Variants in PRLR observed in about 807,000 individuals in gnomAD.
PRLR encodes the protein prolactin receptor.
PRLR carries 13 observed loss-of-function variants against 40.2 expected under a neutral mutation model. That is an observed-to-expected ratio of 0.32 (90% CI 0.21 to 0.51). The LOEUF (loss-of-function observed/expected upper bound fraction) is 0.51, where lower values mean the gene tolerates loss of function less well. PRLR is among the 20% of genes least tolerant of loss of function. The pLI is 0.97. For synonymous variants in PRLR, 269 were observed against 278.7 expected, an observed-to-expected ratio of 0.97 and a Z score of 0.35; for missense variants, 656 against 747.3, an observed-to-expected ratio of 0.88 and a Z score of 1.42.
intron 1 of PRLR, among the ~76,000 whole-genome samples, chr5:35,161,650 T>C (rs776876216): frequency 2.6e-5 from 4 of 152,230 alleles, no homozygotes; most frequent in Non-Finnish European, 4.4e-5. Context: ...TAAAAGGAGA[T>C]GCATTAATCT....
chr5:35,194,310 G>A (rs1006690252), intron 1 of PRLR, among the ~76,000 whole-genome samples: 1 of 152,166 alleles, frequency 6.6e-6, no homozygotes, highest in Non-Finnish European at 1.5e-5. Context: ...ATAAAATCAG[G>A]AAAGGCCTGG....
In PRLR at chr5:35,118,120, T is replaced by C. The variant is rs747992208; in HGVS notation, c.-103A>G. On this transcript the variant is annotated splice_region_variant and 5_prime_UTR_variant, in exon 2 of 10. The change abolishes the stop of an existing upstream ORF in the 5' untranslated region. Coordinates refer to ENST00000618457, the MANE Select transcript of PRLR (RefSeq NM_000949.7). ...CGCCTCCATGAATAGGAGAGTTCTT[T>C]AGCTGAAAGAGGAAATGATTCATTT... 26 of 985,234 alleles carry C rather than the reference T, an allele frequency of 2.6e-5. No individual in the cohort carries two copies. The highest frequency in any genetic ancestry group is 3.1e-5 in the Non-Finnish European group (26 of 829,420). 61.0% of individuals were successfully genotyped at this position (985,234 alleles called of 1,614,324 possible).
At chr5:35,226,647 A>C (rs1776560766) in intron 1 of PRLR, among the ~76,000 whole-genome samples, 1 of 152,158 alleles carries the variant, frequency 6.6e-6, no homozygotes, top group Non-Finnish European at 1.5e-5. Context: ...TCCCTTTTTG[A>C]AAATGCGGGT....
chr5:35,123,179 A>G (rs980280283), intron 1 of PRLR, among the ~76,000 whole-genome samples: 1 of 152,196 alleles, frequency 6.6e-6, no homozygotes. Flanking sequence ...TCCTTTCGTT[A>G]GTGGATTGTA....
At chr5:35,155,228 C>T (rs532187538) in intron 1 of PRLR, among the ~76,000 whole-genome samples, 4 of 152,054 alleles carry the variant, frequency 2.6e-5, no homozygotes, top group African/African-American at 7.2e-5. Context: ...TACTAACATG[C>T]GGGAATGCTT....
At chr5:35,226,449 A>T (rs564084101) in intron 1 of PRLR, among the ~76,000 whole-genome samples, 2 of 152,386 alleles carry the variant, frequency 1.3e-5, no homozygotes, top group East Asian at 3.9e-4. Context: ...GAAGATAAAC[A>T]GAGTATACAG....
intron 1 of PRLR, among the ~76,000 whole-genome samples, chr5:35,196,279 G>A (rs1161619590): frequency 6.6e-6 from 1 of 152,172 alleles, no homozygotes; most frequent in African/African-American, 2.4e-5. Flanking sequence ...TCCAGGCAAG[G>A]AGGTGACAAA....
intron 2 of PRLR, among the ~76,000 whole-genome samples, chr5:35,116,343 C>T (rs1773021830): frequency 1.3e-5 from 2 of 152,048 alleles, no homozygotes; most frequent in Non-Finnish European, 1.5e-5. Flanking sequence ...TCTGGTTAAG[C>T]CACTCTTTAG....
At chr5:35,155,774 G>C (rs1774477493) in intron 1 of PRLR, among the ~76,000 whole-genome samples, 1 of 152,196 alleles carries the variant, frequency 6.6e-6, no homozygotes, top group Non-Finnish European at 1.5e-5. Flanking sequence ...GGTAGTTTTA[G>C]GCTCTCACCT....
chr5:35,192,319 G>A (rs374032749), intron 1 of PRLR, among the ~76,000 whole-genome samples: 5 of 152,230 alleles, frequency 3.3e-5, no homozygotes, highest in African/African-American at 9.6e-5. Context: ...GAAATTCAGG[G>A]CTCCTTGTGA....
chr5:35,070,153 C>T lies in PRLR; in HGVS notation c.656G>A (p.Ser219Asn). The change falls in exon 7 of 10, where the codon AGT becomes AAT. Residue 219 changes from serine (S) to asparagine (N), a missense_variant. Coordinates refer to ENST00000618457, the MANE Select transcript of PRLR (RefSeq NM_000949.7). The part of the protein sequence containing the change: ...KPDHGYWSAW[S>N]PATFIQIPSD... ...AGGTATCTGAATGAAGGTCGCTGGA[C>T]TCCATGCACTCCAGTATCCATGGTC... 6.2e-7 allele frequency: 1 copy of T among 1,613,806 alleles called. No homozygotes were observed. Among genetic ancestry groups the T allele is most frequent in the Non-Finnish European group, 8.5e-7 (1 of 1,179,976 alleles).
intron 1 of PRLR, among the ~76,000 whole-genome samples, chr5:35,127,836 C>T (rs534278947): frequency 1.3e-5 from 2 of 152,214 alleles, no homozygotes; most frequent in African/African-American, 2.4e-5. Context: ...TGAGTGGTTG[C>T]CAGGGGCTGG....
At chr5:35,193,015 G>A (rs1249461530) in intron 1 of PRLR, among the ~76,000 whole-genome samples, 1 of 152,192 alleles carries the variant, frequency 6.6e-6, no homozygotes, top group Non-Finnish European at 1.5e-5. Flanking sequence ...GTGGTTTGAA[G>A]AGTCTGAGCC....
chr5:35,162,401 T>C (rs1774698916), intron 1 of PRLR, among the ~76,000 whole-genome samples: 1 of 152,210 alleles, frequency 6.6e-6, no homozygotes, highest in Admixed American at 6.5e-5. Flanking sequence ...CTTCTTGGCC[T>C]CTAGGGTGTA....
intron 1 of PRLR, among the ~76,000 whole-genome samples, chr5:35,222,588 T>C (rs35272298): frequency 0.082 from 12,431 of 152,190 alleles, 604 homozygotes; most frequent in East Asian, 0.14. Context: ...CTATGGGTCA[T>C]TGACACTCAG....
intron 2 of PRLR, among the ~76,000 whole-genome samples, chr5:35,102,355 C>T (rs988343831): frequency 1.3e-5 from 2 of 152,014 alleles, no homozygotes; most frequent in Non-Finnish European, 2.9e-5. Flanking sequence ...TTATAGCCTC[C>T]TTCCCTCGCT....
At chr5:35,207,220 AAGG>A (rs1275189772) in intron 1 of PRLR, among the ~76,000 whole-genome samples, 5 of 152,134 alleles carry the variant, frequency 3.3e-5, no homozygotes, top group African/African-American at 1.2e-4. Flanking sequence ...CAATTTTTGG[AAGG>A]AGAACAATTA....
At chr5:35,163,004 G>A (rs1048029004) in intron 1 of PRLR, among the ~76,000 whole-genome samples, 5 of 152,234 alleles carry the variant, frequency 3.3e-5, no homozygotes, top group African/African-American at 1.2e-4. Context: ...AGGTGGGAAG[G>A]CGGTTCCCAG....
intron 7 of PRLR, 147 bp downstream of exon 7, chr5:35,069,977 T>A (rs781143473): frequency 1.1e-6 from 1 of 926,368 alleles, no homozygotes; most frequent in Non-Finnish European, 1.5e-6. Flanking sequence ...TTTCAAAATG[T>A]CTTCGTATTG....
Sources: allele counts gnomAD v4.1 joint callset (sites outside exome capture counted in the v4.1 genomes callset), GRCh38; gene constraint gnomAD v4.1.1; transcripts MANE v1.5; gene names NCBI Gene and HGNC (gene_info 2026-07-23, HGNC 2026-07-21).